MYOM1: variants seen among roughly 807,000 people sequenced by gnomAD.
MYOM1 encodes the protein myomesin 1, also known as myomesin-1.
Under a neutral mutation model 205.3 loss-of-function variants are expected in MYOM1, and 164 were observed. The observed-to-expected ratio is 0.80, with a 90% CI of 0.70 to 0.91. The LOEUF (loss-of-function observed/expected upper bound fraction) is 0.91, where lower values mean the gene tolerates loss of function less well. Among genes scored for constraint, MYOM1 ranks in the 40% least tolerant of loss-of-function variants. The pLI, the probability that MYOM1 is intolerant of heterozygous loss-of-function variation, is 0.00. For synonymous variants in MYOM1, 772 were observed against 789.4 expected (o/e 0.98, Z 0.37); for missense variants, 2,011 against 2,127.3 (o/e 0.95, Z 1.08).
intron 2 of MYOM1, among the ~76,000 whole-genome samples, chr18:3,197,749 T>G (rs1238742463): frequency 6.6e-6 from 1 of 151,888 alleles, no homozygotes; most frequent in Non-Finnish European, 1.5e-5. Flanking sequence ...GGCAGGCGCC[T>G]GTGGTCCCAG....
chr18:3,134,699 C>G lies in MYOM1; in HGVS notation c.2335G>C (p.Gly779Arg). The G allele has an allele frequency of 1.9e-6, 3 of 1,613,946 alleles. No homozygotes were observed. Among genetic ancestry groups the G allele is most frequent in the Non-Finnish European group, 2.5e-6 (3 of 1,179,854 alleles). ...VGYYIEASVA[G>R]SGKWEPCNNN... ...TTACAGGGCTCCCACTTGCCAGAGCCAGCAACGCTCGCCTCTATGTAGTAC... is the reference window on the plus strand; with the variant it reads ...TTACAGGGCTCCCACTTGCCAGAGCGAGCAACGCTCGCCTCTATGTAGTAC... Residue 779 changes from glycine to arginine, a missense_variant, in exon 16 of 38, where the codon GGC (glycine) becomes CGC (arginine). Coordinates refer to ENST00000356443, the MANE Select transcript of MYOM1 (RefSeq NM_003803.4).
chr18:3,211,350 A>G (rs1361125073), intron 2 of MYOM1, among the ~76,000 whole-genome samples: 1 of 152,180 alleles, frequency 6.6e-6, no homozygotes, highest in African/African-American at 2.4e-5. Context: ...GACTTTCTAG[A>G]GCAATGGTTC....
At chr18:3,104,052 C>A (rs145980996) in intron 22 of MYOM1, among the ~76,000 whole-genome samples, 1 of 152,296 alleles carries the variant, frequency 6.6e-6, no homozygotes, top group African/African-American at 2.4e-5. Flanking sequence ...TAATTGTCCA[C>A]CATATGTTAC....
intron 25 of MYOM1, among the ~76,000 whole-genome samples, chr18:3,094,675 T>G (rs1298475676): frequency 3.3e-5 from 5 of 151,908 alleles, no homozygotes; most frequent in Non-Finnish European, 7.4e-5. Context: ...TTTCTTTTTT[T>G]TTTTGCAATA....
chr18:3,098,909 G>A (rs578177680), intron 25 of MYOM1, among the ~76,000 whole-genome samples: 14 of 152,276 alleles, frequency 9.2e-5, no homozygotes, highest in African/African-American at 3.4e-4. Flanking sequence ...CCCTACAGTC[G>A]TGTCTCATGG....
In MYOM1 at chr18:3,112,415, G is replaced by A; in HGVS notation, c.3304-3C>T. 1 of 1,591,224 alleles carries A rather than the reference G, an allele frequency of 6.3e-7. No homozygotes were observed. Among genetic ancestry groups the A allele is most frequent in the South Asian group, 1.1e-5 (1 of 88,334 alleles). On this transcript the variant is annotated splice_region_variant and splice_polypyrimidine_tract_variant and intron_variant, in intron 21 of 37. Transcript: ENST00000356443. The stretch of plus-strand genomic sequence containing the variant: ...ACGCCCTCCTTGAGGCCTCGAACCT[G>A]GTAGAAGCAGGTGTAGAAGCAATGG...
rs1367784132 is a variant in MYOM1, at chr18:3,081,975, A to AT, written c.4484+1813dup. On this transcript the variant is annotated intron_variant, in intron 33 of 37. Coordinates refer to ENST00000356443, the MANE Select transcript of MYOM1 (RefSeq NM_003803.4). ...CCAGGGACCGGTTTCATGGAAGACG[A>AT]TTTTTCCACAGACCAGGTCGGGGGT... Among the ~76,000 whole-genome samples the AT allele has an allele frequency of 2.6e-5, 4 of 152,238 alleles. No homozygotes were observed. In the East Asian group the frequency reaches 7.7e-4, roughly 29 times the overall value.
At chr18:3,217,728 A>T (rs1567974298) in intron 1 of MYOM1, among the ~76,000 whole-genome samples, 1 of 152,304 alleles carries the variant, frequency 6.6e-6, no homozygotes, top group East Asian at 1.9e-4. Context: ...CATGCTTGTA[A>T]TTCCAGCACT....
intron 22 of MYOM1, among the ~76,000 whole-genome samples, chr18:3,110,640 C>T (rs7232561): frequency 0.023 from 3,468 of 152,192 alleles, 127 homozygotes; most frequent in African/African-American, 0.079. Context: ...GTACAGTTCA[C>T]AAGCCTGTTT....
chr18:3,185,888 A>G (rs536352717), intron 5 of MYOM1, among the ~76,000 whole-genome samples: 75 of 152,300 alleles, frequency 4.9e-4, no homozygotes, highest in Non-Finnish European at 7.2e-4. Flanking sequence ...AAAACTCACC[A>G]TGTGCTCCTT....
chr18:3,182,991 G>A (rs903299642), intron 5 of MYOM1, among the ~76,000 whole-genome samples: 9 of 146,762 alleles, frequency 6.1e-5, no homozygotes, highest in African/African-American at 2.0e-4. Flanking sequence ...GTGCAGTGGC[G>A]TGATCTCAGC....
chr18:3,096,586 G>A (rs977890454), intron 25 of MYOM1, among the ~76,000 whole-genome samples: 2 of 151,820 alleles, frequency 1.3e-5, no homozygotes, highest in African/African-American at 2.4e-5. Flanking sequence ...GATTACAGGC[G>A]AGAGCCACCA....
At chr18:3,124,731 T>A (rs1385280438) in intron 19 of MYOM1, among the ~76,000 whole-genome samples, 1 of 152,130 alleles carries the variant, frequency 6.6e-6, no homozygotes, top group African/African-American at 2.4e-5. Flanking sequence ...GGTGAATTAA[T>A]GACAGAAATG....
In MYOM1 at chr18:3,135,746, G is replaced by A. The variant is rs2079949063; in HGVS notation, c.2026-16C>T. 3 of 1,613,144 alleles carry A rather than the reference G, an allele frequency of 1.9e-6. No homozygotes were observed. Among genetic ancestry groups the A allele is most frequent in the Non-Finnish European group, 2.5e-6 (3 of 1,179,558 alleles). On this transcript the variant is annotated splice_polypyrimidine_tract_variant and intron_variant, in intron 14 of 37. Transcript: ENST00000356443. This position sits in a 1 kb window ranked among gnomAD's most constrained non-coding sequence, Gnocchi z 4.1. Reference sequence around the variant, plus strand: ...CTGCCTCACACTGCAGCAAGAACAGGGAAACCCATTGAAAGCACAGCAAAC... The same window carrying A: ...CTGCCTCACACTGCAGCAAGAACAGAGAAACCCATTGAAAGCACAGCAAAC...
At chr18:3,157,460 T>C (rs1049010738) in intron 10 of MYOM1, among the ~76,000 whole-genome samples, 10 of 151,912 alleles carry the variant, frequency 6.6e-5, no homozygotes, top group Non-Finnish European at 8.8e-5. Context: ...GGTAGATCAC[T>C]TGAGCCTAGG....
chr18:3,230,960 C>T, the MYOM1 span, among the ~76,000 whole-genome samples: 1 of 152,204 alleles, frequency 6.6e-6, no homozygotes, highest in Non-Finnish European at 1.5e-5. Context: ...AGTGACACAG[C>T]TACTAAATAA....
chr18:3,236,779 G>C, the MYOM1 span, among the ~76,000 whole-genome samples: 5 of 152,162 alleles, frequency 3.3e-5, no homozygotes, highest in East Asian at 7.7e-4. Flanking sequence ...CTATGAGAGT[G>C]GATGAGGTCA....
chr18:3,154,794 T>C (rs1487647832), intron 11 of MYOM1, among the ~76,000 whole-genome samples, 153 bp downstream of exon 11: 1 of 150,212 alleles, frequency 6.7e-6, no homozygotes. Flanking sequence ...CAGAGACAAA[T>C]AGAGAAAAAG....
At position 3,123,831 on chromosome 18, in the gene MYOM1, A is replaced by ATT. The variant is rs34679474; in HGVS notation, c.2991+2868_2991+2869dup. On this transcript the variant is annotated intron_variant, in intron 19 of 37. Coordinates refer to ENST00000356443, the MANE Select transcript of MYOM1 (RefSeq NM_003803.4). The stretch of plus-strand genomic sequence containing the variant: ...AGCTATAATTTATTTTTATTTATTT[A>ATT]TTTTTTTTGAGACAGGATCTCGCTC... Among the ~76,000 whole-genome samples the ATT allele has an allele frequency of 4.3e-3, 609 of 142,372 alleles. 13 individuals carry two copies. Among genetic ancestry groups the ATT allele is most frequent in the African/African-American group, 9.5e-3 (370 of 38,912 alleles). The allele number at this position is 142,372 out of a possible 152,430, so 93.4% of individuals were successfully genotyped here.
Sources: allele counts gnomAD v4.1 joint callset (sites outside exome capture counted in the v4.1 genomes callset), GRCh38; gene constraint gnomAD v4.1.1; non-coding constraint Gnocchi (gnomAD v3.1); transcripts MANE v1.5; gene names NCBI Gene and HGNC (gene_info 2026-07-23, HGNC 2026-07-21).